Variants in PIK3C2G observed in about 807,000 individuals in gnomAD.
PIK3C2G encodes phosphatidylinositol-4-phosphate 3-kinase catalytic subunit type 2 gamma.
In PIK3C2G, 168 loss-of-function variants were observed where a neutral mutation model predicts 181.1. The observed-to-expected ratio is 0.93, with a 90% CI of 0.82 to 1.05. PIK3C2G has a LOEUF of 1.05. Among genes scored for constraint, PIK3C2G ranks in the 50% least tolerant of loss-of-function variants. The pLI is 0.00. For synonymous variants in PIK3C2G, 573 were observed against 592.2 expected (o/e 0.97, Z 0.47); for missense variants, 1,869 against 1,732.8 (o/e 1.08, Z -1.40).
In PIK3C2G at chr12:18,423,935, C is replaced by G; in HGVS notation, c.2410-10C>G. Reference sequence around the variant, plus strand: ...ACTGAGAAGTAAAGTAATTGTGTCTCTTACTTCAGGCTGTCAAGTTTGAAT... The same window carrying G: ...ACTGAGAAGTAAAGTAATTGTGTCTGTTACTTCAGGCTGTCAAGTTTGAAT... On this transcript the variant is annotated splice_polypyrimidine_tract_variant and intron_variant, in intron 17 of 32. Transcript: ENST00000538779. 1 of 1,559,066 alleles carries G rather than the reference C, an allele frequency of 6.4e-7. No individual in the cohort carries two copies. The highest frequency in any genetic ancestry group is 1.1e-5 in the South Asian group (1 of 88,460).
the PIK3C2G span, among the ~76,000 whole-genome samples, chr12:18,718,071 T>C: frequency 6.6e-6 from 1 of 152,146 alleles, no homozygotes; most frequent in Non-Finnish European, 1.5e-5. Context: ...GGAGTGAGGA[T>C]ATGATTTAGC....
the PIK3C2G span, among the ~76,000 whole-genome samples, chr12:18,655,055 A>AAT: frequency 1.5e-4 from 1 of 6,824 alleles, no homozygotes; most frequent in African/African-American, 5.2e-4. Context: ...AAACAATAAT[A>AAT]AAAAAAAATA....
intron 18 of PIK3C2G, among the ~76,000 whole-genome samples, chr12:18,437,185 T>C (rs1255682488): frequency 6.6e-6 from 1 of 151,956 alleles, no homozygotes; most frequent in African/African-American, 2.4e-5. Context: ...TGTATCTTTG[T>C]TCATGAAAAG....
intron 18 of PIK3C2G, among the ~76,000 whole-genome samples, chr12:18,426,149 T>C (rs1409637658): frequency 6.6e-6 from 1 of 152,198 alleles, no homozygotes; most frequent in Non-Finnish European, 1.5e-5. Context: ...AAATGTAGTA[T>C]GTAAAAGTAT....
intron 31 of PIK3C2G, among the ~76,000 whole-genome samples, chr12:18,639,735 G>A (rs1421941927): frequency 6.6e-6 from 1 of 152,136 alleles, no homozygotes; most frequent in Non-Finnish European, 1.5e-5. Context: ...GAGCTGAGGA[G>A]GAGAGAGTTT....
At chr12:18,505,598 A>G in intron 24 of PIK3C2G, 137 bp downstream of exon 24, 2 of 521,164 alleles carry the variant, frequency 3.8e-6, no homozygotes, top group Non-Finnish European at 6.3e-6. Context: ...ATGATAATAT[A>G]TCTAATAAGA....
chr12:18,383,227 G>A (rs1209097701), intron 14 of PIK3C2G, among the ~76,000 whole-genome samples: 1 of 152,162 alleles, frequency 6.6e-6, no homozygotes, highest in Non-Finnish European at 1.5e-5. Flanking sequence ...TTTTACATAT[G>A]ACTACTATGC....
chr12:18,275,254 C>T (rs1028775400), intron 1 of PIK3C2G, among the ~76,000 whole-genome samples: 7 of 152,196 alleles, frequency 4.6e-5, no homozygotes, highest in African/African-American at 1.4e-4. Flanking sequence ...TGTAAGACTA[C>T]GTTGGCCTTT....
chr12:18,521,149 G>A (rs1942886781), intron 24 of PIK3C2G, among the ~76,000 whole-genome samples: 3 of 152,080 alleles, frequency 2.0e-5, no homozygotes, highest in Admixed American at 6.6e-5. Context: ...GACCTTGAGG[G>A]GCACTGACCT....
At chr12:18,262,167 A>C (rs1438506016) in intron 1 of PIK3C2G, among the ~76,000 whole-genome samples, 3 of 151,964 alleles carry the variant, frequency 2.0e-5, no homozygotes, top group Non-Finnish European at 4.4e-5. Context: ...CTACCTCTTT[A>C]TTCGTAGCTC....
chr12:18,379,856 A>G (rs568158545), intron 13 of PIK3C2G, among the ~76,000 whole-genome samples: 1 of 152,150 alleles, frequency 6.6e-6, no homozygotes, highest in African/African-American at 2.4e-5. Context: ...TTGTTACAGA[A>G]GCCCTTATCC....
intron 14 of PIK3C2G, among the ~76,000 whole-genome samples, chr12:18,382,621 G>A (rs1008001790): frequency 6.6e-6 from 1 of 152,176 alleles, no homozygotes; most frequent in South Asian, 2.1e-4. Context: ...CTGGACAAGA[G>A]AATGCTTTGT....
chr12:18,369,068 C>T (rs1027053051), intron 12 of PIK3C2G, among the ~76,000 whole-genome samples: 1 of 152,194 alleles, frequency 6.6e-6, no homozygotes, highest in African/African-American at 2.4e-5. Flanking sequence ...TAATCACCTA[C>T]TGCTCTAATA....
intron 1 of PIK3C2G, among the ~76,000 whole-genome samples, chr12:18,256,342 C>A (rs1011309951): frequency 5.3e-5 from 8 of 151,994 alleles, no homozygotes; most frequent in African/African-American, 1.9e-4. Flanking sequence ...AGACCTAACC[C>A]AGGCAGTGTT....
chr12:18,418,820 T>C (rs891693274), intron 16 of PIK3C2G, among the ~76,000 whole-genome samples: 1 of 152,082 alleles, frequency 6.6e-6, no homozygotes, highest in Non-Finnish European at 1.5e-5. Context: ...TAGAATTTTA[T>C]AGAGAAGGGA....
intron 30 of PIK3C2G, among the ~76,000 whole-genome samples, chr12:18,601,632 G>A (rs1283099912): frequency 6.6e-6 from 1 of 152,070 alleles, no homozygotes; most frequent in Non-Finnish European, 1.5e-5. Context: ...GGGCAGTATG[G>A]CCATTTTAAT....
chr12:18,650,564 T>C (rs552845664), downstream of PIK3C2G, among the ~76,000 whole-genome samples: 1 of 149,850 alleles, frequency 6.7e-6, no homozygotes, highest in South Asian at 2.1e-4. Flanking sequence ...TGAAAGTCTA[T>C]ACATTTATTT....
At chr12:18,574,726 G>C (rs895804093) in intron 29 of PIK3C2G, among the ~76,000 whole-genome samples, 7 of 152,236 alleles carry the variant, frequency 4.6e-5, no homozygotes, top group African/African-American at 1.7e-4. Context: ...TGTAACAGTA[G>C]GAAAACAGCT....
intron 29 of PIK3C2G, among the ~76,000 whole-genome samples, chr12:18,587,749 AAAC>A (rs1946865581): frequency 7.2e-6 from 1 of 138,374 alleles, no homozygotes; most frequent in Admixed American, 7.0e-5. Context: ...AATAACAACC[AAAC>A]AAAACAAAAC....
Sources: gnomAD v4.1 joint callset for allele counts (sites outside exome capture counted in the v4.1 genomes callset) on GRCh38, gnomAD v4.1.1 for gene constraint, MANE v1.5 for transcripts, NCBI Gene and HGNC (gene_info 2026-07-23, HGNC 2026-07-21) for gene names.